SLC1A6: variants seen among roughly 807,000 people sequenced by gnomAD.
The protein encoded by SLC1A6 is excitatory amino acid transporter 4.
A neutral mutation model predicts 42.1 loss-of-function variants in SLC1A6; 15 were observed. The observed-to-expected ratio is 0.36, with a 90% confidence interval of 0.24 to 0.55. The LOEUF (loss-of-function observed/expected upper bound fraction) is 0.55, where lower values mean the gene tolerates loss of function less well. SLC1A6 is among the 20% of genes least tolerant of loss of function. The pLI, the probability that SLC1A6 is intolerant of heterozygous loss-of-function variation, is 0.88. For synonymous variants in SLC1A6, 317 were observed against 319.7 expected (o/e 0.99, Z 0.09); for missense variants, 542 against 772.5 (o/e 0.70, Z 3.54).
At chr19:14,962,711 TGGC>T (rs931759167) in intron 5 of SLC1A6, among the ~76,000 whole-genome samples, 3 of 152,204 alleles carry the variant, frequency 2.0e-5, no homozygotes, top group African/African-American at 7.2e-5. Flanking sequence ...GAGACCATCC[TGGC>T]CAACATGGTG....
chr19:14,952,752 G>T (rs1015455763), intron 9 of SLC1A6, among the ~76,000 whole-genome samples, 176 bp downstream of exon 9: 12 of 151,992 alleles, frequency 7.9e-5, no homozygotes, highest in African/African-American at 2.9e-4. Context: ...AGATAACTGT[G>T]GGATTTGGGG....
intron 6 of SLC1A6, among the ~76,000 whole-genome samples, chr19:14,958,332 A>G (rs2045480535): frequency 6.6e-6 from 1 of 151,494 alleles, no homozygotes; most frequent in African/African-American, 2.4e-5. Flanking sequence ...AATCACTTGA[A>G]CCCAGGAGGC....
chr19:14,952,842 TAA>T (rs1402093348), intron 9 of SLC1A6, 84 bp downstream of exon 9: 3 of 1,474,674 alleles, frequency 2.0e-6, no homozygotes, highest in Admixed American at 2.1e-5. Context: ...TTTGCTGGAA[TAA>T]AAGTCCACAG....
rs2045525600 is a variant in SLC1A6, at chr19:14,962,480, C to T, written c.592-135G>A. 6 of 642,902 alleles carry T rather than the reference C, an allele frequency of 9.3e-6. No individual in the cohort carries two copies. In the South Asian group the frequency reaches 9.5e-5, roughly 10 times the overall value. 39.8% of individuals were successfully genotyped at this position (642,902 alleles called of 1,614,324 possible). A position where few individuals can be genotyped will look rare whatever the true frequency, so the allele number is the denominator to read the frequency against. On this transcript the variant is annotated intron_variant, in intron 5 of 9. Coordinates refer to ENST00000594383, the MANE Select transcript of SLC1A6 (RefSeq NM_005071.3). Reference sequence around the variant, plus strand: ...ATAAGATCTTCATTATCGATTATCACTCATTATCGACTATCACTCATTCAG... The same window carrying T: ...ATAAGATCTTCATTATCGATTATCATTCATTATCGACTATCACTCATTCAG...
Position 15,003,803 on chromosome 19 carries a change from A to G in SLC1A6, c.6+6682T>C, listed in dbSNP as rs1043827931. 4.6e-5 allele frequency among the ~76,000 whole-genome samples: 7 copies of G among 152,284 alleles called. No individual in the cohort carries two copies. The East Asian group carries it at 1.3e-3, about 29-fold the overall frequency. On this transcript the variant is annotated intron_variant, in intron 1 of 8. Coordinates refer to the SLC1A6 transcript ENST00000430939. Reference sequence around the variant, plus strand: ...TACATTGCATGAATCAGTATATAGAACAGGTGGCCCCAGCAAAGTTGCAAA... The same window carrying G: ...TACATTGCATGAATCAGTATATAGAGCAGGTGGCCCCAGCAAAGTTGCAAA...
chr19:14,957,679 C>T (rs2045474902), intron 6 of SLC1A6, among the ~76,000 whole-genome samples: 1 of 152,170 alleles, frequency 6.6e-6, no homozygotes, highest in African/African-American at 2.4e-5. Flanking sequence ...TGAACTAAGA[C>T]ACATTCTAAT....
intron 1 of SLC1A6, among the ~76,000 whole-genome samples, chr19:14,999,144 C>A (rs532932456): frequency 6.6e-6 from 1 of 152,238 alleles, no homozygotes; most frequent in Non-Finnish European, 1.5e-5. Context: ...TCCCAAAGTG[C>A]TGGGATTACA....
chr19:15,007,940 G>A (rs934221240), intron 1 of SLC1A6, among the ~76,000 whole-genome samples: 6 of 151,812 alleles, frequency 4.0e-5, no homozygotes, highest in East Asian at 1.9e-4. Context: ...CAGAAGAATC[G>A]CTTGAACCCA....
intron 1 of SLC1A6, among the ~76,000 whole-genome samples, chr19:14,989,230 T>C (rs1462281590): frequency 6.6e-6 from 1 of 152,156 alleles, no homozygotes; most frequent in East Asian, 1.9e-4. Flanking sequence ...TATATCCATG[T>C]ATCAAAACTG....
Position 15,010,015 on chromosome 19 carries a change from T to TA in SLC1A6, c.6+469dup, listed in dbSNP as rs58210057. On this transcript the variant is annotated intron_variant, in intron 1 of 8. Coordinates refer to the SLC1A6 transcript ENST00000430939. Reference sequence around the variant, plus strand: ...CAACATGGCGAAACCCCGTCTCTACTAAAAAAAAAAAATGCAAAAAATTAG... The same window carrying TA: ...CAACATGGCGAAACCCCGTCTCTACTAAAAAAAAAAAAATGCAAAAAATTAG... Among the ~76,000 whole-genome samples, 733 of 146,690 alleles carry TA rather than the reference T, an allele frequency of 5.0e-3. 11 individuals are homozygous for TA. Among genetic ancestry groups the TA allele is most frequent in the African/African-American group, 0.017 (685 of 39,874 alleles).
upstream of SLC1A6, chr19:15,010,633 A>C: frequency 1.5e-6 from 1 of 662,582 alleles, no homozygotes; most frequent in Non-Finnish European, 2.6e-6. Context: ...ACTTAGGCCA[A>C]GTTCCAAAGC....
At chr19:14,994,915 C>T (rs1389894910) in intron 1 of SLC1A6, among the ~76,000 whole-genome samples, 1 of 152,120 alleles carries the variant, frequency 6.6e-6, no homozygotes, top group East Asian at 1.9e-4. Flanking sequence ...CCATTTGCAA[C>T]CACATGGATG....
chr19:14,997,232 C>T (rs1260233749), intron 1 of SLC1A6, among the ~76,000 whole-genome samples: 2 of 152,060 alleles, frequency 1.3e-5, no homozygotes, highest in Admixed American at 6.6e-5. Context: ...TTGTCTCTTA[C>T]CTACCTATGA....
chr19:14,978,542 T>C (rs73927898), intron 1 of SLC1A6, among the ~76,000 whole-genome samples: 1 of 151,582 alleles, frequency 6.6e-6, no homozygotes, highest in African/African-American at 2.4e-5. Flanking sequence ...CCTTCAGAAA[T>C]GCAGCTCCAT....
intron 3 of SLC1A6, among the ~76,000 whole-genome samples, chr19:14,971,001 G>A (rs371687291): frequency 3.9e-5 from 6 of 152,074 alleles, no homozygotes; most frequent in African/African-American, 7.2e-5. Context: ...GTGTTGGTGC[G>A]TGCCTGTAGT....
upstream of SLC1A6, among the ~76,000 whole-genome samples, chr19:14,983,719 CAAA>C (rs56657572): frequency 1.9e-5 from 1 of 52,304 alleles, no homozygotes; most frequent in Non-Finnish European, 3.6e-5. Context: ...ACAACAACAC[CAAA>C]AAAAAAAAAA....
rs574295327 is a variant in SLC1A6, at chr19:14,972,831, T to A, written c.80A>T (p.Gln27Leu). ...CAGTGCTCTCTGCTGCAGGCTTTCC[T>A]GCAGCCGCTGCAGCCAGCCCACCCG... ...LGRVGWLQRL[Q>L]ESLQQRALRT... Residue 27 changes from glutamine (Q) to leucine (L), a missense_variant, in exon 2 of 10, where the codon CAG (glutamine) becomes CTG (leucine). Physicochemically the swap from Gln to Leu is moderately radical, Grantham distance 113. Coordinates refer to ENST00000594383, the MANE Select transcript of SLC1A6 (RefSeq NM_005071.3). 1 of 1,604,016 alleles carries A rather than the reference T, an allele frequency of 6.2e-7. No homozygotes were observed. Among genetic ancestry groups the A allele is most frequent in the Admixed American group, 1.7e-5 (1 of 58,378 alleles).
At chr19:14,951,549 T>C (rs2045413730) in intron 9 of SLC1A6, among the ~76,000 whole-genome samples, 2 of 151,874 alleles carry the variant, frequency 1.3e-5, no homozygotes, top group Admixed American at 1.3e-4. Context: ...GGTGTTTCAC[T>C]CCTGTTGCCC....
At chr19:14,972,968 G>A (rs915701671) in intron 1 of SLC1A6, 51 bp from the exon 2 acceptor site, 31 of 1,412,966 alleles carry the variant, frequency 2.2e-5, no homozygotes, top group Non-Finnish European at 2.8e-5. Context: ...ACAGAAGGCC[G>A]GCGTGGGCAG....
Sources: allele counts gnomAD v4.1 joint callset (sites outside exome capture counted in the v4.1 genomes callset), GRCh38; gene constraint gnomAD v4.1.1; transcripts MANE v1.5; gene names NCBI Gene and HGNC (gene_info 2026-07-23, HGNC 2026-07-21).